The following CARMIL1 variants were observed in gnomAD, a reference collection of about 807,000 sequenced individuals.
The protein encoded by CARMIL1 is F-actin-uncapping protein LRRC16A.
A neutral mutation model predicts 177.1 loss-of-function variants in CARMIL1; 90 were observed. The ratio of observed to expected loss-of-function variants is 0.51; its 90% confidence interval spans 0.43 to 0.61. The LOEUF is 0.61. Among genes scored for constraint, CARMIL1 ranks in the 20% least tolerant of loss-of-function variants. The pLI is 0.00. For synonymous variants in CARMIL1, 577 were observed against 606.2 expected, an observed-to-expected ratio of 0.95 and a Z score of 0.71; for missense variants, 1,380 against 1,667.0, an observed-to-expected ratio of 0.83 and a Z score of 3.00.
intron 36 of CARMIL1, among the ~76,000 whole-genome samples, chr6:25,617,063 G>A (rs3804103): frequency 0.082 from 12,492 of 152,100 alleles, 554 homozygotes; most frequent in East Asian, 0.11. Context: ...AAATAAAGTC[G>A]CCACCATAGT....
chr6:25,540,699 G>A (rs214065), intron 26 of CARMIL1, among the ~76,000 whole-genome samples: 60,810 of 151,896 alleles, frequency 0.4, 12,340 homozygotes, highest in East Asian at 0.45. Flanking sequence ...TTCACATTCA[G>A]AAAGTTTTCA....
intron 36 of CARMIL1, chr6:25,612,798 T>G: frequency 1.0e-6 from 1 of 985,316 alleles, no homozygotes; most frequent in Non-Finnish European, 1.2e-6. Context: ...AGCCTTCCAG[T>G]AGAGGGAAAA....
chr6:25,485,294 G>C (rs1238052953), intron 12 of CARMIL1, among the ~76,000 whole-genome samples: 1 of 152,076 alleles, frequency 6.6e-6, no homozygotes, highest in African/African-American at 2.4e-5. Flanking sequence ...GCCCCACGTT[G>C]CCTGTACCCT....
At position 25,600,559 on chromosome 6, in the gene CARMIL1, G is replaced by A. The variant is rs750700021; in HGVS notation, c.3365G>A (p.Arg1122Gln). ...GCCGAGCACAATGGCAATTCTGAAC[G>A]GATAGAGGAGATAAAAACACCTGAC... Reference protein sequence around the residue: ...KAAEHNGNSERIEEIKTPDSF... With the variant: ...KAAEHNGNSEQIEEIKTPDSF... The change falls in exon 33 of 37, where the codon CGG becomes CAG. Residue 1122 changes from arginine (R) to glutamine (Q), a missense_variant. Coordinates refer to ENST00000329474, the MANE Select transcript of CARMIL1 (RefSeq NM_017640.6). 16 of 1,613,888 alleles carry A rather than the reference G, an allele frequency of 9.9e-6. No individual in the cohort carries two copies. Among genetic ancestry groups the A allele is most frequent in the South Asian group, 4.4e-5 (4 of 91,090 alleles).
intron 11 of CARMIL1, 123 bp downstream of exon 11, chr6:25,472,644 T>G: frequency 1.4e-6 from 1 of 716,634 alleles, no homozygotes; most frequent in Admixed American, 2.7e-5. Flanking sequence ...TTAATGGTCC[T>G]GTTGGCTTCC....
chr6:25,580,593 C>T (rs12207791), intron 29 of CARMIL1, among the ~76,000 whole-genome samples: 22,867 of 152,094 alleles, frequency 0.15, 1,829 homozygotes, highest in Middle Eastern at 0.21. Context: ...TTCAGTTTTT[C>T]GTGACTGATT....
chr6:25,543,359 C>T (rs1809102162), intron 26 of CARMIL1, among the ~76,000 whole-genome samples: 3 of 152,168 alleles, frequency 2.0e-5, no homozygotes, highest in African/African-American at 7.2e-5. Flanking sequence ...TCTTAGTATA[C>T]TTCCTGGAGG....
intron 8 of CARMIL1, among the ~76,000 whole-genome samples, chr6:25,460,495 A>G (rs1488020072): frequency 6.6e-6 from 1 of 152,142 alleles, no homozygotes; most frequent in Non-Finnish European, 1.5e-5. Flanking sequence ...CCAGAAAGTA[A>G]TGAATTCTAG....
intron 2 of CARMIL1, among the ~76,000 whole-genome samples, chr6:25,348,613 C>A (rs377085119): frequency 4.6e-5 from 7 of 151,774 alleles, no homozygotes; most frequent in Admixed American, 1.3e-4. Context: ...GAAACCCCAT[C>A]TCTACTAAAA....
At position 25,606,033 on chromosome 6, in the gene CARMIL1, A is replaced by T; in HGVS notation, c.3635-28A>T. ...AAGTTATTGGCTTCTTTGACCTTTG[A>T]TTTTTAAAGTGGCCTTTTTCATCTT... On this transcript the variant is annotated intron_variant, in intron 34 of 36. Transcript: ENST00000329474. 4 of 1,563,674 alleles carry T rather than the reference A, an allele frequency of 2.6e-6. No individual in the cohort carries two copies. In the African/African-American group the frequency reaches 5.5e-5, roughly 21 times the overall value.
intron 36 of CARMIL1, among the ~76,000 whole-genome samples, chr6:25,616,455 T>C (rs1246121993): frequency 6.6e-6 from 1 of 152,040 alleles, no homozygotes; most frequent in Non-Finnish European, 1.5e-5. Flanking sequence ...GCACCTGTAG[T>C]GTCTGCTACT....
At chr6:25,472,334 C>A in intron 10 of CARMIL1, 93 bp from the exon 11 acceptor site, 1 of 830,350 alleles carries the variant, frequency 1.2e-6, no homozygotes, top group South Asian at 1.6e-5. Context: ...GGAGGTTTCT[C>A]TATTTAGATT....
At chr6:25,451,917 G>A in intron 8 of CARMIL1, 2 of 587,016 alleles carry the variant, frequency 3.4e-6, no homozygotes, top group Non-Finnish European at 6.1e-6. Flanking sequence ...TATCATTTGT[G>A]CCATTTGGAC....
At chr6:25,407,776 G>A (rs1293598220) in intron 2 of CARMIL1, among the ~76,000 whole-genome samples, 1 of 152,184 alleles carries the variant, frequency 6.6e-6, no homozygotes, top group Non-Finnish European at 1.5e-5. Flanking sequence ...AGATAGGTTA[G>A]TGCTGATGGA....
At chr6:25,488,966 A>T (rs1354740505) in intron 13 of CARMIL1, among the ~76,000 whole-genome samples, 1 of 152,128 alleles carries the variant, frequency 6.6e-6, no homozygotes, top group Non-Finnish European at 1.5e-5. Flanking sequence ...GGAGATCGAG[A>T]CCAGCCTGGC....
chr6:25,443,648 A>G (rs926649054), intron 5 of CARMIL1, among the ~76,000 whole-genome samples: 6 of 152,200 alleles, frequency 3.9e-5, no homozygotes, highest in Admixed American at 3.9e-4. Context: ...GAATATATAT[A>G]CCTTAAAAAT....
chr6:25,378,847 A>C (rs1791265726), intron 2 of CARMIL1, among the ~76,000 whole-genome samples: 1 of 151,666 alleles, frequency 6.6e-6, no homozygotes, highest in South Asian at 2.1e-4. Context: ...TCCAAGTGGT[A>C]GAGGCATGCT....
intron 27 of CARMIL1, among the ~76,000 whole-genome samples, chr6:25,552,243 T>A (rs1810176407): frequency 6.6e-6 from 1 of 152,140 alleles, no homozygotes; most frequent in African/African-American, 2.4e-5. Flanking sequence ...TTTGAGAATT[T>A]TTTTGTTGGA....
chr6:25,382,125 T>C (rs1184482504), intron 2 of CARMIL1, among the ~76,000 whole-genome samples: 1 of 151,978 alleles, frequency 6.6e-6, no homozygotes, highest in Admixed American at 6.6e-5. Flanking sequence ...TAAGACAGAG[T>C]CTCACTCTGT....
Sources: gnomAD v4.1 joint callset for allele counts (sites outside exome capture counted in the v4.1 genomes callset) on GRCh38, gnomAD v4.1.1 for gene constraint, MANE v1.5 for transcripts, NCBI Gene and HGNC (gene_info 2026-07-23, HGNC 2026-07-21) for gene names.